RADIL: variants seen among roughly 807,000 people sequenced by gnomAD.
RADIL encodes the protein Rap associating with DIL domain, also known as ras-associating and dilute domain-containing protein.
RADIL carries 99 observed loss-of-function variants against 97.6 expected under a neutral mutation model. The ratio of observed to expected loss-of-function variants is 1.01; its 90% CI spans 0.86 to 1.20. The LOEUF is 1.20. Ranked by LOEUF, RADIL falls within the 50% of genes most tolerant of loss-of-function variation. The pLI, the probability that RADIL is intolerant of heterozygous loss-of-function variation, is 0.00. For missense variants in RADIL, 1,765 were observed against 1,498.9 expected, an observed-to-expected ratio of 1.18 and a Z score of -2.93; for synonymous variants, 803 against 691.8, an observed-to-expected ratio of 1.16 and a Z score of -2.52.
rs1214102875 is a variant in RADIL at position 4,879,271 on chromosome 7, G to A, written c.-64-1068C>T. Among the ~76,000 whole-genome samples the A allele has an allele frequency of 1.3e-5, 2 of 152,244 alleles. No homozygotes were observed. The highest frequency in any genetic ancestry group is 1.5e-5 in the Non-Finnish European group (1 of 68,040). ...TCATACAATCACACTTCTAATGTCC[G>A]TAGCGTGCCCAGGGCCAGGAGTTCC... is the stretch of plus-strand genomic sequence containing the variant. On this transcript the variant is annotated intron_variant, in intron 1 of 14. Transcript: ENST00000399583. This position sits in a 1 kb window ranked among gnomAD's most constrained non-coding sequence, Gnocchi z 4.1.
intron 9 of RADIL, chr7:4,806,108 G>A (rs1782299015): frequency 1.4e-5 from 13 of 927,002 alleles, no homozygotes; most frequent in Admixed American, 1.2e-4. Context: ...GGAAGGCAGG[G>A]ACATTCATCA....
chr7:4,844,106 A>G (rs1783512305), intron 2 of RADIL, among the ~76,000 whole-genome samples: 1 of 152,092 alleles, frequency 6.6e-6, no homozygotes, highest in South Asian at 2.1e-4. Context: ...ACTAGGTCCT[A>G]GCCAGTACAA....
At chr7:4,836,026 C>G (rs1421464323) in intron 3 of RADIL, among the ~76,000 whole-genome samples, 1 of 152,228 alleles carries the variant, frequency 6.6e-6, no homozygotes, top group African/African-American at 2.4e-5. Flanking sequence ...TGGCCAACTG[C>G]CCATGCCCTT....
rs904628271 is a variant in RADIL at position 4,854,523 on chromosome 7, G to C, written c.536-17918C>G. 1.3e-5 allele frequency among the ~76,000 whole-genome samples: 2 copies of C among 152,070 alleles called. No homozygotes were observed. Among genetic ancestry groups the C allele is most frequent in the African/African-American group, 4.8e-5 (2 of 41,408 alleles). ...AGCCTGGCCAATATGGTGAAATCCT[G>C]TCTCTACTAAAAATACAAAAATTAG... On this transcript the variant is annotated intron_variant, in intron 2 of 14. Coordinates refer to ENST00000399583, the MANE Select transcript of RADIL (RefSeq NM_018059.5). This position sits in a 1 kb window ranked among gnomAD's most constrained non-coding sequence, Gnocchi z 5.1.
At chr7:4,845,191 G>A (rs1417567132) in intron 2 of RADIL, among the ~76,000 whole-genome samples, 3 of 152,162 alleles carry the variant, frequency 2.0e-5, no homozygotes, top group Non-Finnish European at 2.9e-5. Context: ...AGGCTGAGGC[G>A]GGAGGATCAC....
intron 9 of RADIL, among the ~76,000 whole-genome samples, chr7:4,812,414 C>T (rs1782572156): frequency 6.6e-6 from 1 of 151,716 alleles, no homozygotes; most frequent in African/African-American, 2.4e-5. Context: ...ATTCAACTTT[C>T]TATTTTTATT....
rs552165817 is a variant in RADIL, at chr7:4,873,799, C to T, written c.535+3806G>A. On this transcript the variant is annotated intron_variant, in intron 2 of 14. Coordinates refer to ENST00000399583, the MANE Select transcript of RADIL (RefSeq NM_018059.5). The surrounding 1 kb of genome is among the most constrained non-coding windows in gnomAD (Gnocchi z 4.3). ...TGGAAGGCGCAGAGCTCACCATCAC[C>T]GGAGGTATGTAATGGAGAGGACACG... Among the ~76,000 whole-genome samples, 1 of 152,212 alleles carries T rather than the reference C, an allele frequency of 6.6e-6. No homozygotes were observed. Among genetic ancestry groups the T allele is most frequent in the Non-Finnish European group, 1.5e-5 (1 of 68,040 alleles).
chr7:4,861,607 T>C (rs774924836), intron 2 of RADIL: 16 of 1,611,686 alleles, frequency 9.9e-6, no homozygotes, highest in South Asian at 5.5e-5. Flanking sequence ...GATTATTTAA[T>C]TTTTCCAAAA....
At chr7:4,845,379 C>T (rs1460433839) in intron 2 of RADIL, among the ~76,000 whole-genome samples, 1 of 152,208 alleles carries the variant, frequency 6.6e-6, no homozygotes, top group Non-Finnish European at 1.5e-5. Flanking sequence ...GATTGTGCCA[C>T]TGGGCTCCAG....
intron 2 of RADIL, among the ~76,000 whole-genome samples, chr7:4,857,138 T>C (rs117389806): frequency 7.0e-4 from 106 of 152,356 alleles, no homozygotes; most frequent in South Asian, 5.6e-3. Flanking sequence ...TTATTTTATG[T>C]TGAGGCTGAG....
intron 2 of RADIL, among the ~76,000 whole-genome samples, chr7:4,871,088 G>C (rs2115045107): frequency 6.6e-6 from 1 of 152,280 alleles, no homozygotes; most frequent in Middle Eastern, 3.4e-3. Flanking sequence ...CTAGTTTTAG[G>C]CTGGTGAAAA....
Position 4,817,179 on chromosome 7 carries a change from C to T in RADIL, c.1728+60G>A. ...TCCTTAGGAGAGCCACAGGCACAAGCTTGAGCCCCACTTGATCCCAGGAGC... is the reference window on the plus strand; with the variant it reads ...TCCTTAGGAGAGCCACAGGCACAAGTTTGAGCCCCACTTGATCCCAGGAGC... On this transcript the variant is annotated intron_variant, in intron 7 of 14. Coordinates refer to ENST00000399583, the MANE Select transcript of RADIL (RefSeq NM_018059.5). This position sits in a 1 kb window ranked among gnomAD's most constrained non-coding sequence, Gnocchi z 8.3. 2 of 1,480,100 alleles carry T rather than the reference C, an allele frequency of 1.4e-6. No homozygotes were observed. The highest frequency in any genetic ancestry group is 1.9e-6 in the Non-Finnish European group (2 of 1,073,790). 91.7% of individuals were successfully genotyped at this position (1,480,100 alleles called of 1,614,324 possible).
chr7:4,869,599 C>T (rs759173655), intron 2 of RADIL, among the ~76,000 whole-genome samples: 15 of 151,532 alleles, frequency 9.9e-5, no homozygotes, highest in Admixed American at 2.6e-4. Flanking sequence ...AAAATTCTTT[C>T]CCCAGGATTT....
At position 4,833,330 on chromosome 7, in the gene RADIL, G is replaced by A. The variant is rs77332719; in HGVS notation, c.1417-1152C>T. On this transcript the variant is annotated intron_variant, in intron 4 of 14. Transcript: ENST00000399583. ...ACTCGGGAAATGACAATGATCGTGCGAAAACCCATGACTTCTGGCCAGCAG... is the reference window on the plus strand; with the variant it reads ...ACTCGGGAAATGACAATGATCGTGCAAAAACCCATGACTTCTGGCCAGCAG... 7.5e-3 allele frequency among the ~76,000 whole-genome samples: 1,147 copies of A among 152,298 alleles called. 12 individuals carry two copies. The highest frequency in any genetic ancestry group is 0.024 in the African/African-American group (997 of 41,550).
chr7:4,877,553 CCTT>C lies in RADIL; in HGVS notation c.535+49_535+51del. On this transcript the variant is annotated intron_variant, in intron 2 of 14. Transcript: ENST00000399583. ...CTCCTTCTCCGCCTACCTCGGCTGG[CCTT>C]CTCAGCGCTCAGACCCACGGCTCTT... 3.9e-6 allele frequency: 6 copies of C among 1,534,570 alleles called. No homozygotes were observed. The South Asian group carries it at 7.8e-5, about 20-fold the overall frequency.
At chr7:4,850,652 G>C (rs1016647579) in intron 2 of RADIL, among the ~76,000 whole-genome samples, 1 of 152,150 alleles carries the variant, frequency 6.6e-6, no homozygotes, top group African/African-American at 2.4e-5. Context: ...ACGGCTGTGA[G>C]CCAGAGAGAG....
rs149669741 is a variant in RADIL, at chr7:4,827,006, G to A, written c.1455-4452C>T. The stretch of plus-strand genomic sequence containing the variant: ...GGCATGGAAAAATCTGATGAGGCGA[G>A]TAGTAAACCAGTGAAAGGGGATGTG... On this transcript the variant is annotated intron_variant, in intron 5 of 14. Transcript: ENST00000399583. Among the ~76,000 whole-genome samples the A allele has an allele frequency of 2.0e-3, 301 of 152,282 alleles. 3 individuals carry two copies. The highest frequency in any genetic ancestry group is 4.6e-3 in the African/African-American group (191 of 41,556).
At position 4,835,364 on chromosome 7, in the gene RADIL, C is replaced by T; in HGVS notation, c.784-125G>A. The T allele has an allele frequency of 8.1e-7, 1 of 1,229,142 alleles. No homozygotes were observed. The highest frequency in any genetic ancestry group is 1.1e-6 in the Non-Finnish European group (1 of 887,488). 76.1% of individuals were successfully genotyped at this position (1,229,142 alleles called of 1,614,324 possible). On this transcript the variant is annotated intron_variant, in intron 3 of 14. Transcript: ENST00000399583. This position sits in a 1 kb window ranked among gnomAD's most constrained non-coding sequence, Gnocchi z 5.8. Reference sequence around the variant, plus strand: ...TGCTGTCGCCACGGGCTCTCCATGTCCCTGGCCACCCCCACACCAGAACCC... The same window carrying T: ...TGCTGTCGCCACGGGCTCTCCATGTTCCTGGCCACCCCCACACCAGAACCC...
chr7:4,827,471 C>T (rs944779291), intron 5 of RADIL, among the ~76,000 whole-genome samples: 8 of 150,382 alleles, frequency 5.3e-5, no homozygotes, highest in African/African-American at 1.7e-4. Context: ...ACCATCCTGG[C>T]TAACACAGTG....
Sources: gnomAD v4.1 joint callset for allele counts (sites outside exome capture counted in the v4.1 genomes callset) on GRCh38, gnomAD v4.1.1 for gene constraint, Gnocchi (gnomAD v3.1) non-coding constraint, MANE v1.5 for transcripts, NCBI Gene and HGNC (gene_info 2026-07-23, HGNC 2026-07-21) for gene names.